SLTM: variants seen among roughly 807,000 people sequenced by gnomAD.
SLTM encodes the protein SAFB like transcription modulator.
Under a neutral mutation model 134.6 loss-of-function variants are expected in SLTM, and 43 were observed. The observed-to-expected ratio is 0.32, with a 90% CI of 0.25 to 0.41. The LOEUF is 0.41. Ranked by LOEUF, SLTM falls within the 10% of genes least tolerant of loss-of-function variation. SLTM has a pLI of 1.00. For synonymous variants in SLTM, 424 were observed against 432.3 expected, an observed-to-expected ratio of 0.98 and a Z score of 0.24; for missense variants, 1,055 against 1,288.8, an observed-to-expected ratio of 0.82 and a Z score of 2.78.
At chr15:58,881,666 T>C (rs2033720206) in intron 20 of SLTM, among the ~76,000 whole-genome samples, 2 of 152,112 alleles carry the variant, frequency 1.3e-5, no homozygotes, top group South Asian at 2.1e-4. Context: ...TATAATAAAA[T>C]GGGAGTTTCA....
At chr15:58,887,573 G>C in intron 17 of SLTM, 33 bp from the exon 18 acceptor site, 1 of 1,573,562 alleles carries the variant, frequency 6.4e-7, no homozygotes, top group Non-Finnish European at 8.6e-7. Context: ...ATAGGTCCAA[G>C]AAGTGCTTAC....
Position 58,915,191 on chromosome 15 carries a change from A to AAAAAACAAAAAC in SLTM, c.316-1507_316-1496dup, listed in dbSNP as rs140925385. On this transcript the variant is annotated intron_variant, in intron 3 of 20. Transcript: ENST00000380516. ...GGGCAACAGGGCGAGACTCCATCTC[A>AAAAAACAAAAAC]AAAAACAAAAACAAAAACAAAAACA... 2.6e-3 allele frequency among the ~76,000 whole-genome samples: 396 copies of AAAAAACAAAAAC among 150,102 alleles called. 2 individuals are homozygous for AAAAAACAAAAAC. Among genetic ancestry groups the AAAAAACAAAAAC allele is most frequent in the African/African-American group, 9.2e-3 (374 of 40,690 alleles).
Position 58,926,576 on chromosome 15 carries a change from C to T in SLTM, c.250+5780G>A, listed in dbSNP as rs547520862. Among the ~76,000 whole-genome samples, 4 of 150,922 alleles carry T rather than the reference C, an allele frequency of 2.7e-5. No homozygotes were observed. In the East Asian group the frequency reaches 5.8e-4, roughly 22 times the overall value. On this transcript the variant is annotated intron_variant, in intron 2 of 20. Transcript: ENST00000380516. ...TGATAAATTCAGGGTGGTGGGATTA[C>T]GGGTAATCTTCACTTTTTTGTACTT...
At chr15:58,891,021 C>G (rs546227703) in intron 14 of SLTM, among the ~76,000 whole-genome samples, 10 of 152,266 alleles carry the variant, frequency 6.6e-5, no homozygotes, top group South Asian at 2.1e-4. Context: ...TTTTCTGAGT[C>G]AGAGGTAGTT....
In SLTM at chr15:58,926,521, G is replaced by A. The variant is rs1302168264; in HGVS notation, c.250+5835C>T. Among the ~76,000 whole-genome samples, 4 of 151,928 alleles carry A rather than the reference G, an allele frequency of 2.6e-5. No individual in the cohort carries two copies. The South Asian group carries it at 6.2e-4, about 24-fold the overall frequency. On this transcript the variant is annotated intron_variant, in intron 2 of 20. Transcript: ENST00000380516. ...TAAACATGTACTTAATTATAAACAT[G>A]TATATATATCATATGTAAAATGCTA...
Position 58,933,526 on chromosome 15 carries a change from A to G in SLTM, c.40T>C (p.Ser14Pro). 1.3e-6 allele frequency: 2 copies of G among 1,595,260 alleles called. No homozygotes were observed. The highest frequency in any genetic ancestry group is 1.7e-6 in the Non-Finnish European group (2 of 1,172,200). ...ATCTTTTTACCTTCCGCCTGACCCG[A>G]GGCGGCCGAGGCTGCCACCGCACCG... ...ATGAVAASAA[S>P]GQAEGKKITD... The change falls in exon 1 of 21, where the codon TCG becomes CCG. Residue 14 changes from serine (S) to proline (P), a missense_variant. Transcript: ENST00000380516.
At chr15:58,912,451 ATTAAAT>A in intron 5 of SLTM, 106 bp downstream of exon 5, 1 of 981,078 alleles carries the variant, frequency 1.0e-6, no homozygotes, top group African/African-American at 1.6e-5. Context: ...ATAACTCAGT[ATTAAAT>A]TTAAGACAGT....
At chr15:58,923,913 C>G (rs2037283138) in intron 2 of SLTM, among the ~76,000 whole-genome samples, 1 of 140,798 alleles carries the variant, frequency 7.1e-6, no homozygotes, top group Non-Finnish European at 1.5e-5. Flanking sequence ...CTTCCGAGTT[C>G]AAGCAATTCT....
intron 17 of SLTM, among the ~76,000 whole-genome samples, chr15:58,888,167 T>G (rs552675772): frequency 1.3e-5 from 2 of 152,168 alleles, no homozygotes; most frequent in East Asian, 3.9e-4. Context: ...AAAATTAAAA[T>G]AGAATAAAGA....
chr15:58,898,209 G>A (rs574719803), intron 8 of SLTM: 1 of 152,180 alleles, frequency 6.6e-6, no homozygotes, highest in Non-Finnish European at 1.5e-5. Flanking sequence ...GTACCTGAAT[G>A]TTTTATTTTC....
intron 17 of SLTM, among the ~76,000 whole-genome samples, 182 bp downstream of exon 17, chr15:58,888,203 A>G (rs2034378940): frequency 6.6e-6 from 1 of 152,214 alleles, no homozygotes; most frequent in African/African-American, 2.4e-5. Flanking sequence ...AACCTGCTTA[A>G]TGGTGTTCTA....
chr15:58,890,078 T>C (rs2034537925), intron 15 of SLTM: 1 of 599,406 alleles, frequency 1.7e-6, no homozygotes, highest in Non-Finnish European at 2.9e-6. Flanking sequence ...CTAGAATTAT[T>C]ACCAGTTATC....
chr15:58,922,928 C>G (rs573640398), intron 2 of SLTM, among the ~76,000 whole-genome samples: 3 of 152,122 alleles, frequency 2.0e-5, no homozygotes, highest in East Asian at 3.9e-4. Flanking sequence ...GTTGGCCAGA[C>G]TGGTCTCGAA....
intron 2 of SLTM, among the ~76,000 whole-genome samples, chr15:58,922,772 G>T (rs1028214610): frequency 3.3e-5 from 5 of 151,178 alleles, no homozygotes; most frequent in Non-Finnish European, 5.9e-5. Context: ...GAGTGCAGTG[G>T]TGTGATCTTG....
intron 13 of SLTM, 66 bp from the exon 14 acceptor site, chr15:58,893,126 G>A (rs1397424630): frequency 2.4e-5 from 36 of 1,481,788 alleles, no homozygotes; most frequent in African/African-American, 2.9e-5. Context: ...TTCAAGTTTA[G>A]TAGGTCATTT....
rs549155140 is a variant in SLTM at position 58,930,648 on chromosome 15, A to G, written c.250+1708T>C. On this transcript the variant is annotated intron_variant, in intron 2 of 20. Coordinates refer to ENST00000380516, the MANE Select transcript of SLTM (RefSeq NM_024755.4). ...GGGATCACTTAAGCCCAGGAGTTTG[A>G]GGCTGCAAAGAGCTAGGCACCACTG... Among the ~76,000 whole-genome samples the G allele has an allele frequency of 5.7e-4, 87 of 151,530 alleles. 1 individual carries two copies. Among genetic ancestry groups the G allele is most frequent in the African/African-American group, 2.0e-3 (84 of 41,354 alleles).
intron 2 of SLTM, among the ~76,000 whole-genome samples, chr15:58,920,401 A>C (rs541820434): frequency 2.6e-5 from 4 of 152,004 alleles, no homozygotes; most frequent in Non-Finnish European, 5.9e-5. Flanking sequence ...AGGTAGGTGG[A>C]TCATCTGAGG....
Position 58,918,231 on chromosome 15 carries a change from AT to A in SLTM, c.251-1233del, listed in dbSNP as rs1213647958. On this transcript the variant is annotated intron_variant, in intron 2 of 20. Transcript: ENST00000380516. ...ATCTGCTGGAAGTTTATTAAAAAAA[AT>A]TTTTTTTTTCATTTCTTTTGAAACA... 2.2e-3 allele frequency among the ~76,000 whole-genome samples: 339 copies of A among 150,992 alleles called. 4 individuals are homozygous for A. The highest frequency in any genetic ancestry group is 6.9e-3 in the African/African-American group (285 of 41,150).
At chr15:58,913,474 G>A (rs756802977) in intron 4 of SLTM, 25 bp downstream of exon 4, 5 of 1,560,718 alleles carry the variant, frequency 3.2e-6, no homozygotes, top group Admixed American at 1.8e-5. Context: ...TCTGTGTCAT[G>A]TTTTAAAAAA....
Sources: gnomAD v4.1 joint callset for allele counts (sites outside exome capture counted in the v4.1 genomes callset) on GRCh38, gnomAD v4.1.1 for gene constraint, MANE v1.5 for transcripts, NCBI Gene and HGNC (gene_info 2026-07-23, HGNC 2026-07-21) for gene names.